SPATA1: variants seen among roughly 807,000 people sequenced by gnomAD.
SPATA1 encodes spermatogenesis associated 1.
Under a neutral mutation model 59.6 loss-of-function variants are expected in SPATA1, and 57 were observed. That is an observed-to-expected ratio of 0.96 (90% CI 0.77 to 1.19). The LOEUF (loss-of-function observed/expected upper bound fraction) is 1.19, where lower values mean the gene tolerates loss of function less well. Ranked by LOEUF, SPATA1 falls within the 50% of genes most tolerant of loss-of-function variation. The pLI, the probability that SPATA1 is intolerant of heterozygous loss-of-function variation, is 0.00. For missense variants in SPATA1, 448 were observed against 480.7 expected, an observed-to-expected ratio of 0.93 and a Z score of 0.64; for synonymous variants, 147 against 163.9, an observed-to-expected ratio of 0.90 and a Z score of 0.79.
chr1:84,511,905 C>A (rs1682581535), intron 1 of SPATA1, among the ~76,000 whole-genome samples: 2 of 152,090 alleles, frequency 1.3e-5, no homozygotes, highest in Non-Finnish European at 2.9e-5. Context: ...TGGTCTCAAA[C>A]TCCCGACCTC....
Position 84,550,495 on chromosome 1 carries a change from G to T in SPATA1, c.1189G>T (p.Asp397Tyr), listed in dbSNP as rs557637353. 5 of 1,559,688 alleles carry T rather than the reference G, an allele frequency of 3.2e-6. No homozygotes were observed. The South Asian group carries it at 6.1e-5, about 19-fold the overall frequency. The change falls in exon 12 of 13, where the codon GAT becomes TAT. Residue 397 changes from aspartate to tyrosine, a missense_variant. Physicochemically the swap from Asp to Tyr is radical, Grantham distance 160 (BLOSUM62 -3). Transcript: ENST00000490879. The stretch of plus-strand genomic sequence containing the variant: ...AATTGACCAGCTTAAGAGAAAACTA[G>T]ATACTGACAAAATGAAACTCATAGT...
chr1:84,546,356 G>C (rs923491143), intron 10 of SPATA1, among the ~76,000 whole-genome samples: 1 of 151,776 alleles, frequency 6.6e-6, no homozygotes, highest in Admixed American at 6.6e-5. Flanking sequence ...TGACTGCAGA[G>C]GCTAAGGCAG....
intron 4 of SPATA1, among the ~76,000 whole-genome samples, chr1:84,565,576 T>C (rs988755611): frequency 2.6e-5 from 4 of 152,198 alleles, no homozygotes; most frequent in Admixed American, 6.5e-5. Flanking sequence ...TTAATAGTTA[T>C]GCAATCATGA....
At chr1:84,523,818 G>A (rs897123004) in intron 4 of SPATA1, among the ~76,000 whole-genome samples, 1 of 152,054 alleles carries the variant, frequency 6.6e-6, no homozygotes, top group East Asian at 1.9e-4. Flanking sequence ...ATAATTTTTT[G>A]TTCTTTTCAT....
chr1:84,530,536 T>C (rs1683426448), intron 6 of SPATA1, among the ~76,000 whole-genome samples: 1 of 152,170 alleles, frequency 6.6e-6, no homozygotes, highest in South Asian at 2.1e-4. Context: ...TTGGCATGAT[T>C]GGATTTTAGT....
chr1:84,524,093 C>A (rs1683127711), intron 4 of SPATA1, among the ~76,000 whole-genome samples: 1 of 151,568 alleles, frequency 6.6e-6, no homozygotes, highest in African/African-American at 2.4e-5. Context: ...AAGGAGATTA[C>A]TTCCAGCAGG....
At chr1:84,519,938 C>T (rs1309050926) in intron 2 of SPATA1, among the ~76,000 whole-genome samples, 2 of 152,096 alleles carry the variant, frequency 1.3e-5, no homozygotes, top group Non-Finnish European at 2.9e-5. Flanking sequence ...ATCATTGTTT[C>T]TGTTGTGGTT....
intron 1 of SPATA1, among the ~76,000 whole-genome samples, chr1:84,509,769 A>C (rs1431853412): frequency 2.6e-5 from 4 of 152,226 alleles, no homozygotes; most frequent in Non-Finnish European, 5.9e-5. Flanking sequence ...CATCTCTCAA[A>C]AAAAGAAAAG....
At chr1:84,524,105 G>A (rs1317432370) in intron 4 of SPATA1, among the ~76,000 whole-genome samples, 1 of 151,748 alleles carries the variant, frequency 6.6e-6, no homozygotes, top group African/African-American at 2.4e-5. Context: ...TCCAGCAGGG[G>A]AAGAGGGTAA....
intron 1 of SPATA1, among the ~76,000 whole-genome samples, chr1:84,514,465 ACAAT>A (rs1461860356): frequency 6.6e-6 from 1 of 152,232 alleles, no homozygotes; most frequent in Non-Finnish European, 1.5e-5. Flanking sequence ...TATCGGTTAA[ACAAT>A]CCTAATCCAA....
At chr1:84,536,139 G>C (rs1324680913) in intron 8 of SPATA1, among the ~76,000 whole-genome samples, 1 of 152,188 alleles carries the variant, frequency 6.6e-6, no homozygotes, top group African/African-American at 2.4e-5. Flanking sequence ...GTTAATTCAT[G>C]CTAGTAGAAA....
chr1:84,550,543 T>C lies in SPATA1; in HGVS notation c.1224+13T>C. ...AGTAGAAGTTAAGGTAATTTACATT[T>C]TTCCTAATCAGATTATTATAACATT... On this transcript the variant is annotated intron_variant, in intron 12 of 12. Coordinates refer to ENST00000490879, the Ensembl canonical transcript of SPATA1. 1.3e-6 allele frequency: 2 copies of C among 1,502,210 alleles called. No homozygotes were observed. Among genetic ancestry groups the C allele is most frequent in the Non-Finnish European group, 1.8e-6 (2 of 1,123,196 alleles). The allele number at this position is 1,502,210 out of a possible 1,614,324, so 93.1% of individuals were successfully genotyped here. A position where few individuals can be genotyped will look rare whatever the true frequency, so the allele number is the denominator to read the frequency against.
chr1:84,563,970 T>TA (rs1226254264), intron 4 of SPATA1: 5 of 971,370 alleles, frequency 5.1e-6, no homozygotes, highest in Non-Finnish European at 5.5e-6. Context: ...TAATATGTTA[T>TA]AAAACATCCC....
chr1:84,514,905 A>C (rs1682728302), intron 1 of SPATA1, among the ~76,000 whole-genome samples: 1 of 152,184 alleles, frequency 6.6e-6, no homozygotes, highest in Non-Finnish European at 1.5e-5. Context: ...TGGGAGGCAG[A>C]GGCTGCAGTG....
intron 4 of SPATA1, among the ~76,000 whole-genome samples, chr1:84,525,486 A>G (rs754154933): frequency 6.6e-6 from 1 of 152,224 alleles, no homozygotes; most frequent in Non-Finnish European, 1.5e-5. Flanking sequence ...AGGCATAGTT[A>G]TTATTAATAA....
At chr1:84,516,066 AGTTGT>A in intron 1 of SPATA1, among the ~76,000 whole-genome samples, 152 bp from the exon 2 acceptor site, 1 of 152,216 alleles carries the variant, frequency 6.6e-6, no homozygotes, top group Non-Finnish European at 1.5e-5. Flanking sequence ...CATGTTACTT[AGTTGT>A]ATAGATTTAT....
At chr1:84,513,387 G>A (rs993826630) in intron 1 of SPATA1, among the ~76,000 whole-genome samples, 3 of 152,268 alleles carry the variant, frequency 2.0e-5, no homozygotes, top group Admixed American at 6.5e-5. Context: ...TGCCTGCCTC[G>A]GCCTCCCAAA....
At chr1:84,563,390 G>A (rs771875024) in intron 4 of SPATA1, 4 of 1,575,466 alleles carry the variant, frequency 2.5e-6, no homozygotes, top group East Asian at 2.3e-5. Flanking sequence ...CCCCCGGAAA[G>A]GGACTTTTGC....
At chr1:84,510,887 T>C (rs1237222116) in intron 1 of SPATA1, among the ~76,000 whole-genome samples, 1 of 152,118 alleles carries the variant, frequency 6.6e-6, no homozygotes, top group Non-Finnish European at 1.5e-5. Flanking sequence ...TGGATGTCAT[T>C]ATGTTAAGTG....
Sources: gnomAD v4.1 joint callset for allele counts (sites outside exome capture counted in the v4.1 genomes callset) on GRCh38, gnomAD v4.1.1 for gene constraint, MANE v1.5 for transcripts, NCBI Gene and HGNC (gene_info 2026-07-23, HGNC 2026-07-21) for gene names.